Variants in POLR2C observed in about 807,000 individuals in gnomAD.
POLR2C encodes RNA polymerase II subunit C.
In POLR2C, 36 loss-of-function variants were observed where a neutral mutation model predicts 41.7. The ratio of observed to expected loss-of-function variants is 0.86; its 90% CI spans 0.66 to 1.14. POLR2C has a LOEUF of 1.14. Ranked by LOEUF, POLR2C falls within the 50% of genes most tolerant of loss-of-function variation. The pLI is 0.00. For synonymous variants in POLR2C, 133 were observed against 137.8 expected, an observed-to-expected ratio of 0.96 and a Z score of 0.25; for missense variants, 260 against 350.4, an observed-to-expected ratio of 0.74 and a Z score of 2.06.
In POLR2C at chr16:57,466,169, T is replaced by C. The variant is rs2030704411; in HGVS notation, c.206-6T>C. 1 of 1,601,150 alleles carries C rather than the reference T, an allele frequency of 6.2e-7. No homozygotes were observed. Among genetic ancestry groups the C allele is most frequent in the Admixed American group, 1.7e-5 (1 of 58,746 alleles). ...TTTCTTTAAAGTGCTTTTCTGTTTT[T>C]TACAGGATTAATTCCCCTCATTAGT... On this transcript the variant is annotated splice_region_variant and splice_polypyrimidine_tract_variant and intron_variant, in intron 3 of 8. Coordinates refer to ENST00000219252, the MANE Select transcript of POLR2C (RefSeq NM_032940.3).
intron 4 of POLR2C, among the ~76,000 whole-genome samples, chr16:57,466,803 C>A (rs771218028): frequency 2.0e-5 from 3 of 152,136 alleles, no homozygotes; most frequent in African/African-American, 4.8e-5. Context: ...GGCTGCATTA[C>A]ACAGCAGCTT....
Position 57,470,328 on chromosome 16 carries a change from C to A in POLR2C, c.657C>A (p.Pro219=). 1 of 1,611,356 alleles carries A rather than the reference C, an allele frequency of 6.2e-7. No individual in the cohort carries two copies. The highest frequency in any genetic ancestry group is 2.2e-5 in the East Asian group (1 of 44,752). Residue 219 remains proline, a synonymous_variant, in exon 8 of 9, where the codon CCC becomes CCA. Coordinates refer to ENST00000219252, the MANE Select transcript of POLR2C (RefSeq NM_032940.3). ...SELDEDESQA[P]YDPNGKPERF... Reference sequence around the variant, plus strand: ...TGGATGAGGATGAGTCGCAGGCTCCCTATGACCCCAACGGCAAGCCAGAAA... The same window carrying A: ...TGGATGAGGATGAGTCGCAGGCTCCATATGACCCCAACGGCAAGCCAGAAA...
Position 57,471,099 on chromosome 16 carries a change from G to A in POLR2C, c.808G>A (p.Asp270Asn), listed in dbSNP as rs753919516. Residue 270 changes from aspartate to asparagine, a missense_variant, in exon 9 of 9, where the codon GAT becomes AAT. Transcript: ENST00000219252. ...TCAATTAAGCCACGAGATCCAGAGT[G>A]ATGTGCTAACCATAAATTAACTGCA... ...QTQLSHEIQS[D>N]VLTIN 1.9e-6 allele frequency: 3 copies of A among 1,614,062 alleles called. No homozygotes were observed. The highest frequency in any genetic ancestry group is 2.5e-6 in the Non-Finnish European group (3 of 1,179,922).
rs1243964201 is a variant in POLR2C, at chr16:57,469,698, G to C, written c.388-12G>C. ...GTGAGCAGCTAATGAATGCCTGGTG[G>C]ACTCCCTACAGGTGACATCCCGGAA... On this transcript the variant is annotated splice_polypyrimidine_tract_variant and intron_variant, in intron 5 of 8. Transcript: ENST00000219252. This position sits in a 1 kb window ranked among gnomAD's most constrained non-coding sequence, Gnocchi z 5.8. 6.2e-7 allele frequency: 1 copy of C among 1,609,892 alleles called. No homozygotes were observed. The highest frequency in any genetic ancestry group is 1.1e-5 in the South Asian group (1 of 91,034).
Position 57,469,613 on chromosome 16 carries a change from G to C in POLR2C, c.388-97G>C. The stretch of plus-strand genomic sequence containing the variant: ...CACCTCGTCAGGTGTTCGTTCCCTG[G>C]TTGACAGATTGCAGTCTAGAGGTGC... On this transcript the variant is annotated intron_variant, in intron 5 of 8. Coordinates refer to ENST00000219252, the MANE Select transcript of POLR2C (RefSeq NM_032940.3). This position sits in a 1 kb window ranked among gnomAD's most constrained non-coding sequence, Gnocchi z 5.8. 1 of 1,061,100 alleles carries C rather than the reference G, an allele frequency of 9.4e-7. No homozygotes were observed. Among genetic ancestry groups the C allele is most frequent in the Admixed American group, 1.8e-5 (1 of 56,262 alleles). 65.7% of individuals were successfully genotyped at this position (1,061,100 alleles called of 1,614,324 possible).
At chr16:57,464,659 A>G (rs1489421568) in intron 2 of POLR2C, among the ~76,000 whole-genome samples, 1 of 96,458 alleles carries the variant, frequency 1.0e-5, no homozygotes, top group East Asian at 3.5e-4. Flanking sequence ...TACCACCACC[A>G]CCCCACCCCC....
intron 1 of POLR2C, 85 bp from the exon 2 acceptor site, chr16:57,462,944 G>C (rs1313786694): frequency 8.0e-7 from 1 of 1,257,650 alleles, no homozygotes; most frequent in Non-Finnish European, 1.1e-6. Flanking sequence ...CCCTGCACCA[G>C]GGCTTTAGCT....
At chr16:57,470,867 C>T in intron 8 of POLR2C, 108 bp from the exon 9 acceptor site, 2 of 1,086,362 alleles carry the variant, frequency 1.8e-6, no homozygotes, top group South Asian at 2.9e-5. Context: ...AGGTCAAGTT[C>T]CATGTGGGAA....
At chr16:57,466,093 G>A (rs761433205) in intron 3 of POLR2C, 72 bp downstream of exon 3, 86 of 1,427,440 alleles carry the variant, frequency 6.0e-5, no homozygotes, top group Non-Finnish European at 8.0e-5. Flanking sequence ...CCTCCTTCCA[G>A]CCTCACCCCC....
chr16:57,467,247 T>C (rs565141095), intron 4 of POLR2C, among the ~76,000 whole-genome samples: 2 of 152,314 alleles, frequency 1.3e-5, no homozygotes, highest in Admixed American at 6.5e-5. Context: ...AAAAGAAATA[T>C]TCAAGCACAG....
Position 57,462,748 on chromosome 16 carries a change from C to T in POLR2C, c.24C>T (p.Thr8=), listed in dbSNP as rs2030600913. The T allele has an allele frequency of 1.2e-6, 2 of 1,606,542 alleles. No individual in the cohort carries two copies. The highest frequency in any genetic ancestry group is 1.1e-5 in the South Asian group (1 of 89,674). The change falls in exon 1 of 9, where the codon ACC becomes ACT. Residue 8 remains threonine, a synonymous_variant. Transcript: ENST00000219252. ...AGATGCCGTACGCCAACCAGCCTAC[C>T]GTGCGGATCACGGAGCTCACTGACG... MPYANQP[T]VRITELTDEN...
Position 57,470,373 on chromosome 16 carries a change from A to G in POLR2C, c.683+19A>G, listed in dbSNP as rs745317580. On this transcript the variant is annotated intron_variant, in intron 8 of 8. Coordinates refer to ENST00000219252, the MANE Select transcript of POLR2C (RefSeq NM_032940.3). ...CAGAAAGGTAAGAGCCTGGTTGGAC[A>G]TGGGAAGGTGAAGTGTGGAAGAAGG... 3.2e-6 allele frequency: 5 copies of G among 1,575,300 alleles called. No individual in the cohort carries two copies. Among genetic ancestry groups the G allele is most frequent in the Admixed American group, 3.6e-5 (2 of 55,342 alleles).
chr16:57,471,198 G>A lies in POLR2C; in HGVS notation c.*79G>A, dbSNP rs539356400. The A allele has an allele frequency of 8.0e-6, 10 of 1,249,038 alleles. No homozygotes were observed. Among genetic ancestry groups the A allele is most frequent in the Non-Finnish European group, 9.3e-6 (8 of 863,418 alleles). The allele number at this position is 1,249,038 out of a possible 1,614,324, so 77.4% of individuals were successfully genotyped here. A position where few individuals can be genotyped will look rare whatever the true frequency, so the allele number is the denominator to read the frequency against. On this transcript the variant is annotated 3_prime_UTR_variant, in exon 9 of 9. Coordinates refer to ENST00000219252, the MANE Select transcript of POLR2C (RefSeq NM_032940.3). Reference sequence around the variant, plus strand: ...GGGGGTCTCTCTTCAGACTCTTCTCGTTTCTGAGAATCTAGTCTACTGTTG... The same window carrying A: ...GGGGGTCTCTCTTCAGACTCTTCTCATTTCTGAGAATCTAGTCTACTGTTG...
chr16:57,463,094 TC>T lies in POLR2C; in HGVS notation c.136+18del. On this transcript the variant is annotated intron_variant, in intron 2 of 8. Transcript: ENST00000219252. ...CCCATAATAGGTAAGCGACTCCCCT[TC>T]CTCGTTCCCGCGCCCACGGGTTCCT... 6.2e-7 allele frequency: 1 copy of T among 1,604,308 alleles called. No individual in the cohort carries two copies. Among genetic ancestry groups the T allele is most frequent in the Non-Finnish European group, 8.5e-7 (1 of 1,171,924 alleles).
chr16:57,469,631 A>C lies in POLR2C; in HGVS notation c.388-79A>C. 20 of 1,194,218 alleles carry C rather than the reference A, an allele frequency of 1.7e-5. No individual in the cohort carries two copies. Among genetic ancestry groups the C allele is most frequent in the Non-Finnish European group, 2.4e-5 (19 of 799,688 alleles). 74.0% of individuals were successfully genotyped at this position (1,194,218 alleles called of 1,614,324 possible). On this transcript the variant is annotated intron_variant, in intron 5 of 8. Transcript: ENST00000219252. This position sits in a 1 kb window ranked among gnomAD's most constrained non-coding sequence, Gnocchi z 5.8. ...TTCCCTGGTTGACAGATTGCAGTCT[A>C]GAGGTGCTGGGATATGGATGCCAGA...
chr16:57,466,416 G>A (rs918312841), intron 4 of POLR2C, among the ~76,000 whole-genome samples, 189 bp downstream of exon 4: 10 of 152,190 alleles, frequency 6.6e-5, no homozygotes, highest in Admixed American at 5.2e-4. Flanking sequence ...TGATTAGCAC[G>A]CAGAACATCA....
rs2030779843 is a variant in POLR2C, at chr16:57,469,560, G to A, written c.388-150G>A. 1.3e-6 allele frequency: 1 copy of A among 771,830 alleles called. No individual in the cohort carries two copies. The highest frequency in any genetic ancestry group is 2.3e-6 in the Non-Finnish European group (1 of 440,044). The allele number at this position is 771,830 out of a possible 1,614,324, so 47.8% of individuals were successfully genotyped here. A position where few individuals can be genotyped will look rare whatever the true frequency, so the allele number is the denominator to read the frequency against. On this transcript the variant is annotated intron_variant, in intron 5 of 8. Transcript: ENST00000219252. The surrounding 1 kb of genome is among the most constrained non-coding windows in gnomAD (Gnocchi z 5.8). ...GCTACCACCACACCCTGAAGTGGGG[G>A]TTGGAGTCCTGGGGGCATCTGTGCC...
intron 4 of POLR2C, among the ~76,000 whole-genome samples, chr16:57,467,115 C>G (rs1377818817): frequency 6.6e-6 from 1 of 152,098 alleles, no homozygotes; most frequent in African/African-American, 2.4e-5. Flanking sequence ...CCCAAGTAGT[C>G]CCAGCTACTC....
chr16:57,470,156 G>A lies in POLR2C; in HGVS notation c.608+27G>A, dbSNP rs563112813. ...TATGTTCCCCTTAGGAGTGATGGCAGGCATTTGGGGTGGGTGTGGCATAGA... is the reference window on the plus strand; with the variant it reads ...TATGTTCCCCTTAGGAGTGATGGCAAGCATTTGGGGTGGGTGTGGCATAGA... On this transcript the variant is annotated intron_variant, in intron 7 of 8. Coordinates refer to ENST00000219252, the MANE Select transcript of POLR2C (RefSeq NM_032940.3). The A allele has an allele frequency of 3.6e-5, 57 of 1,604,880 alleles. 2 individuals carry two copies. The South Asian group carries it at 5.9e-4, about 16-fold the overall frequency.
Sources: allele counts gnomAD v4.1 joint callset (sites outside exome capture counted in the v4.1 genomes callset), GRCh38; gene constraint gnomAD v4.1.1; non-coding constraint Gnocchi (gnomAD v3.1); transcripts MANE v1.5; gene names NCBI Gene and HGNC (gene_info 2026-07-23, HGNC 2026-07-21).